The following ATRNL1 variants were observed in gnomAD, a reference collection of about 807,000 sequenced individuals.
ATRNL1 encodes the protein attractin-like protein 1.
A neutral mutation model predicts 182.7 loss-of-function variants in ATRNL1; 95 were observed. The observed-to-expected ratio is 0.52, with a 90% CI of 0.44 to 0.62. The LOEUF (loss-of-function observed/expected upper bound fraction) is 0.62. Among genes scored for constraint, ATRNL1 ranks in the 20% least tolerant of loss-of-function variants. The probability of loss-of-function intolerance (pLI) is 0.00; values close to 1 mark genes in which losing one functional copy is unlikely to be tolerated. For synonymous variants in ATRNL1, 576 were observed against 568.3 expected (o/e 1.01, Z -0.19); for missense variants, 1,471 against 1,679.5 (o/e 0.88, Z 2.17).
intron 14 of ATRNL1, among the ~76,000 whole-genome samples, chr10:115,285,320 A>G (rs1160686145): frequency 6.6e-6 from 1 of 152,134 alleles, no homozygotes; most frequent in Non-Finnish European, 1.5e-5. Flanking sequence ...AATAATTTTT[A>G]AGACTTAAAG....
chr10:115,470,980 T>C (rs1479210746), intron 24 of ATRNL1, among the ~76,000 whole-genome samples: 5 of 150,788 alleles, frequency 3.3e-5, no homozygotes, highest in Non-Finnish European at 7.5e-5. Context: ...GCAGCCATCA[T>C]TGTATTCCCT....
At chr10:115,126,765 G>A (rs1430252642) in intron 3 of ATRNL1, among the ~76,000 whole-genome samples, 1 of 152,180 alleles carries the variant, frequency 6.6e-6, no homozygotes, top group Non-Finnish European at 1.5e-5. Context: ...ACCGTGTCGA[G>A]TTATATAATT....
intron 9 of ATRNL1, among the ~76,000 whole-genome samples, chr10:115,241,301 A>C (rs1850409230): frequency 6.6e-6 from 1 of 151,554 alleles, no homozygotes; most frequent in Non-Finnish European, 1.5e-5. Context: ...TAAATGAAAA[A>C]ATAATTTATA....
rs541109214 is a variant in ATRNL1, at chr10:115,904,925, G to A, written c.4019-39733G>A. ...ATATTGCTCAGTGCCAGGTACTGGG[G>A]TTATTGATACATAAGACGAGTTAGG... On this transcript the variant is annotated intron_variant, in intron 28 of 28. Transcript: ENST00000355044. Among the ~76,000 whole-genome samples, 6 of 152,288 alleles carry A rather than the reference G, an allele frequency of 3.9e-5. No individual in the cohort carries two copies. The East Asian group carries it at 1.2e-3, about 29-fold the overall frequency.
At chr10:115,431,995 A>G (rs1208064893) in intron 21 of ATRNL1, among the ~76,000 whole-genome samples, 1 of 151,982 alleles carries the variant, frequency 6.6e-6, no homozygotes, top group Non-Finnish European at 1.5e-5. Flanking sequence ...AACTAGCATA[A>G]TTTTTCTTCT....
At chr10:115,621,771 T>C (rs1365025442) in intron 26 of ATRNL1, among the ~76,000 whole-genome samples, 1 of 152,202 alleles carries the variant, frequency 6.6e-6, no homozygotes, top group Non-Finnish European at 1.5e-5. Context: ...AGAAAATCAT[T>C]TTCCCTGCTG....
At chr10:115,431,181 C>T (rs1011603169) in intron 21 of ATRNL1, among the ~76,000 whole-genome samples, 3 of 151,968 alleles carry the variant, frequency 2.0e-5, no homozygotes, top group South Asian at 2.1e-4. Flanking sequence ...CCGAGGCGGG[C>T]GAATCACCTG....
intron 24 of ATRNL1, among the ~76,000 whole-genome samples, chr10:115,491,817 C>T (rs2134658628): frequency 6.6e-6 from 1 of 152,300 alleles, no homozygotes; most frequent in East Asian, 1.9e-4. Flanking sequence ...TTGCAGCTAG[C>T]TCAGTGTCTG....
At chr10:115,102,023 A>G (rs1165758966) in intron 1 of ATRNL1, among the ~76,000 whole-genome samples, 1 of 152,168 alleles carries the variant, frequency 6.6e-6, no homozygotes, top group African/African-American at 2.4e-5. Flanking sequence ...AGTTAGGTCA[A>G]CTTGGTTGAT....
At position 115,182,259 on chromosome 10, in the gene ATRNL1, T is replaced by C. The variant is rs1309811935; in HGVS notation, c.1348+10967T>C. 2.6e-5 allele frequency among the ~76,000 whole-genome samples: 4 copies of C among 151,584 alleles called. No homozygotes were observed. The East Asian group carries it at 7.7e-4, about 29-fold the overall frequency. On this transcript the variant is annotated intron_variant, in intron 8 of 28. Transcript: ENST00000355044. ...TTGAATCATGATAAATGCTGATTAC[T>C]ATTGTTCTAGGTATACTGAGGATTA...
rs545073845 is a variant in ATRNL1, at chr10:115,600,851, C to A, written c.3795+51315C>A. 6.0e-5 allele frequency among the ~76,000 whole-genome samples: 9 copies of A among 149,886 alleles called. No homozygotes were observed. In the East Asian group the frequency reaches 1.8e-3, roughly 29 times the overall value. ...TTTTTCTAAATATTTATGGTTTTAGCTTTTTTATTTGAGTCTATGATTAGT... is the reference window on the plus strand; with the variant it reads ...TTTTTCTAAATATTTATGGTTTTAGATTTTTTATTTGAGTCTATGATTAGT... On this transcript the variant is annotated intron_variant, in intron 26 of 28. Transcript: ENST00000355044.
chr10:115,300,295 C>A, intron 16 of ATRNL1, 48 bp downstream of exon 16: 1 of 1,475,420 alleles, frequency 6.8e-7, no homozygotes, highest in South Asian at 1.2e-5. Context: ...TGTTTCCCAC[C>A]CATCTTCTCA....
chr10:115,123,652 A>G (rs1371661611), intron 3 of ATRNL1, among the ~76,000 whole-genome samples: 5 of 152,122 alleles, frequency 3.3e-5, no homozygotes, highest in Non-Finnish European at 7.4e-5. Flanking sequence ...CTCTACAACA[A>G]GGGTCTCCTC....
chr10:115,698,449 GT>G (rs782674999), intron 26 of ATRNL1, among the ~76,000 whole-genome samples: 1 of 152,060 alleles, frequency 6.6e-6, no homozygotes, highest in Non-Finnish European at 1.5e-5. Context: ...ATAGAGTTCA[GT>G]TGAACATAAA....
rs140838644 is a variant in ATRNL1 at position 115,795,377 on chromosome 10, G to A, written c.3904-52500G>A. Among the ~76,000 whole-genome samples the A allele has an allele frequency of 7.3e-4, 111 of 152,060 alleles. No individual in the cohort carries two copies. In the East Asian group the frequency reaches 7.4e-3, roughly 10 times the overall value. On this transcript the variant is annotated intron_variant, in intron 27 of 28. Coordinates refer to ENST00000355044, the MANE Select transcript of ATRNL1 (RefSeq NM_207303.4). ...CTTTACCTAATTAGGTGATGAACCCGGTTTCCATTATCCTTAATGTATTGA... is the reference window on the plus strand; with the variant it reads ...CTTTACCTAATTAGGTGATGAACCCAGTTTCCATTATCCTTAATGTATTGA...
chr10:115,735,333 A>C (rs1230344677), intron 27 of ATRNL1, among the ~76,000 whole-genome samples: 2 of 152,112 alleles, frequency 1.3e-5, no homozygotes, highest in Non-Finnish European at 2.9e-5. Flanking sequence ...GTTATCTTTC[A>C]GTGGGAGGGT....
At chr10:115,670,293 A>G (rs1420251399) in intron 26 of ATRNL1, among the ~76,000 whole-genome samples, 1 of 152,130 alleles carries the variant, frequency 6.6e-6, no homozygotes, top group Admixed American at 6.6e-5. Flanking sequence ...TGTGTTTGCT[A>G]TCATTGTTGC....
At chr10:115,349,229 G>A (rs1554940579) in intron 19 of ATRNL1, among the ~76,000 whole-genome samples, 2 of 152,066 alleles carry the variant, frequency 1.3e-5, no homozygotes, top group African/African-American at 4.8e-5. Context: ...TTTGTACCTG[G>A]CTTATTTCAC....
chr10:115,767,181 A>G (rs1948877469), intron 27 of ATRNL1, among the ~76,000 whole-genome samples: 1 of 152,146 alleles, frequency 6.6e-6, no homozygotes, highest in Admixed American at 6.5e-5. Context: ...AAACATGGGC[A>G]TTGTGTAGCC....
Sources: gnomAD v4.1 joint callset for allele counts (sites outside exome capture counted in the v4.1 genomes callset) on GRCh38, gnomAD v4.1.1 for gene constraint, MANE v1.5 for transcripts, NCBI Gene and HGNC (gene_info 2026-07-23, HGNC 2026-07-21) for gene names.